Variants in RAI1 observed in about 807,000 individuals in gnomAD.
The protein encoded by RAI1 is retinoic acid-induced protein 1.
RAI1 carries 9 observed loss-of-function variants against 123.8 expected under a neutral mutation model. The observed-to-expected ratio is 0.07, with a 90% CI of 0.04 to 0.13. RAI1 has a LOEUF of 0.13. RAI1 is among the 10% of genes least tolerant of loss of function. The probability of loss-of-function intolerance (pLI) is 1.00; values close to 1 mark genes in which losing one functional copy is unlikely to be tolerated. For synonymous variants in RAI1, 1,231 were observed against 1,127.3 expected (o/e 1.09, Z -1.84); for missense variants, 2,256 against 2,545.8 (o/e 0.89, Z 2.45).
intron 1 of RAI1, among the ~76,000 whole-genome samples, chr17:17,693,170 C>A: frequency 6.6e-6 from 1 of 152,226 alleles, no homozygotes; most frequent in Non-Finnish European, 1.5e-5. Flanking sequence ...CCATGTGACG[C>A]CCCCGTGCAG....
chr17:17,689,354 C>G lies in RAI1; in HGVS notation c.-149+7561C>G, dbSNP rs563787278. Among the ~76,000 whole-genome samples the G allele has an allele frequency of 2.6e-5, 4 of 152,280 alleles. No individual in the cohort carries two copies. In the East Asian group the frequency reaches 7.7e-4, roughly 29 times the overall value. ...GAGGAGTTTGGTGCTTATTTCTTTT[C>G]TAGCCAGGTCAAGGCAGATGGATTG... On this transcript the variant is annotated intron_variant, in intron 1 of 5. Coordinates refer to ENST00000353383, the MANE Select transcript of RAI1 (RefSeq NM_030665.4).
At chr17:17,739,575 T>C (rs1916550474) in intron 2 of RAI1, among the ~76,000 whole-genome samples, 1 of 152,196 alleles carries the variant, frequency 6.6e-6, no homozygotes, top group Non-Finnish European at 1.5e-5. Context: ...CCCTCCTGCC[T>C]TCCAGAGCTA....
intron 2 of RAI1, among the ~76,000 whole-genome samples, chr17:17,783,180 G>A (rs923137662): frequency 4.6e-5 from 7 of 152,130 alleles, no homozygotes; most frequent in African/African-American, 1.7e-4. Context: ...CCTGGCGCCT[G>A]CAGCGACCGG....
At chr17:17,739,669 T>G (rs1356102107) in intron 2 of RAI1, among the ~76,000 whole-genome samples, 1 of 152,218 alleles carries the variant, frequency 6.6e-6, no homozygotes, top group African/African-American at 2.4e-5. Flanking sequence ...GACCTCTGGC[T>G]GCCCCACAGA....
intron 1 of RAI1, among the ~76,000 whole-genome samples, chr17:17,723,273 C>G (rs1047411562): frequency 6.6e-6 from 1 of 151,790 alleles, no homozygotes; most frequent in Non-Finnish European, 1.5e-5. Context: ...CAGACACAGC[C>G]CCACGCAGCG....
At chr17:17,717,608 C>G (rs1915750403) in intron 1 of RAI1, among the ~76,000 whole-genome samples, 1 of 152,294 alleles carries the variant, frequency 6.6e-6, no homozygotes, top group East Asian at 1.9e-4. Flanking sequence ...ATCCTCCCCA[C>G]TCCCCAATCT....
chr17:17,738,033 T>A (rs1916494602), intron 2 of RAI1, among the ~76,000 whole-genome samples: 1 of 151,944 alleles, frequency 6.6e-6, no homozygotes, highest in Admixed American at 6.6e-5. Flanking sequence ...TGGCTTCACA[T>A]GCTGGTGGGT....
intron 1 of RAI1, chr17:17,684,068 CAG>C (rs1453250023): frequency 1.3e-5 from 2 of 151,610 alleles, no homozygotes; most frequent in East Asian, 1.9e-4. Flanking sequence ...TTTCTAGAGA[CAG>C]GGGTCTTGCC....
intron 2 of RAI1, among the ~76,000 whole-genome samples, chr17:17,742,995 T>A (rs1916694310): frequency 6.6e-6 from 1 of 152,128 alleles, no homozygotes; most frequent in African/African-American, 2.4e-5. Flanking sequence ...AGTCCCTGAT[T>A]TATTGATTTT....
At chr17:17,701,617 C>T (rs1426153112) in intron 1 of RAI1, among the ~76,000 whole-genome samples, 1 of 152,152 alleles carries the variant, frequency 6.6e-6, no homozygotes, top group African/African-American at 2.4e-5. Flanking sequence ...TCTTTGAAGA[C>T]CGCATCTTGC....
chr17:17,808,414 A>ATTTTAT (rs1266596226), intron 4 of RAI1, among the ~76,000 whole-genome samples: 110 of 125,884 alleles, frequency 8.7e-4, no homozygotes, highest in African/African-American at 3.4e-3. Context: ...ATTTTATTTT[A>ATTTTAT]TTATTTTATT....
chr17:17,782,900 G>A (rs1047846500), intron 2 of RAI1, among the ~76,000 whole-genome samples: 1 of 152,176 alleles, frequency 6.6e-6, no homozygotes, highest in Non-Finnish European at 1.5e-5. Context: ...AGGGAGCTGC[G>A]GAGGCCGTAC....
Position 17,796,376 on chromosome 17 carries a change from C to A in RAI1, c.3428C>A (p.Ser1143Tyr). Residue 1143 changes from serine to tyrosine, a missense_variant, in exon 3 of 6, where the codon TCC becomes TAC. By Grantham distance (144) the Ser-to-Tyr change is moderately radical (BLOSUM62 -2). Transcript: ENST00000353383. The surrounding 1 kb of genome is among the most constrained non-coding windows in gnomAD (Gnocchi z 5.8). The stretch of plus-strand genomic sequence containing the variant: ...AGCACGCCTGGCAAGGACCAGCGCT[C>A]CATGATCCTTCGGTCACGCACCAAA... Reference protein sequence around the residue: ...SPSTPGKDQRSMILRSRTKTQ... With the variant: ...SPSTPGKDQRYMILRSRTKTQ... 1 of 1,613,722 alleles carries A rather than the reference C, an allele frequency of 6.2e-7. No individual in the cohort carries two copies. Among genetic ancestry groups the A allele is most frequent in the South Asian group, 1.1e-5 (1 of 91,088 alleles).
At chr17:17,802,026 C>A in intron 3 of RAI1, 1 of 468,902 alleles carries the variant, frequency 2.1e-6, no homozygotes, top group South Asian at 1.6e-5. Context: ...CTCTACCTCA[C>A]CCCCCGCCCC....
chr17:17,724,429 C>T (rs560625892), intron 2 of RAI1, among the ~76,000 whole-genome samples: 1 of 90,738 alleles, frequency 1.1e-5, no homozygotes, highest in African/African-American at 3.6e-5. Flanking sequence ...TTTTTTTGGC[C>T]GCTTTTGGCC....
intron 1 of RAI1, among the ~76,000 whole-genome samples, chr17:17,709,252 G>A (rs1269431104): frequency 2.0e-5 from 3 of 152,212 alleles, no homozygotes; most frequent in African/African-American, 7.2e-5. Flanking sequence ...CCTAGGGAGA[G>A]CAGAGCTGGA....
At chr17:17,786,046 A>C (rs2031815533) in intron 2 of RAI1, among the ~76,000 whole-genome samples, 1 of 152,162 alleles carries the variant, frequency 6.6e-6, no homozygotes, top group Non-Finnish European at 1.5e-5. Flanking sequence ...AAAAGCTCAG[A>C]AGCTTTGGCA....
intron 4 of RAI1, among the ~76,000 whole-genome samples, chr17:17,804,420 A>T (rs555293976): frequency 6.6e-6 from 1 of 152,318 alleles, no homozygotes; most frequent in African/African-American, 2.4e-5. Flanking sequence ...TTGTTCCGCA[A>T]GCATTTGTTG....
intron 2 of RAI1, among the ~76,000 whole-genome samples, chr17:17,740,661 G>A (rs934695169): frequency 6.6e-6 from 1 of 152,220 alleles, no homozygotes; most frequent in African/African-American, 2.4e-5. Flanking sequence ...GAGCAAAGCT[G>A]ACTTGGCTGC....
Sources: allele counts gnomAD v4.1 joint callset (sites outside exome capture counted in the v4.1 genomes callset), GRCh38; gene constraint gnomAD v4.1.1; non-coding constraint Gnocchi (gnomAD v3.1); transcripts MANE v1.5; gene names NCBI Gene and HGNC (gene_info 2026-07-23, HGNC 2026-07-21).